RAB37: variants seen among roughly 807,000 people sequenced by gnomAD.
The protein encoded by RAB37 is ras-related protein Rab-37.
RAB37 carries 29 observed loss-of-function variants against 33.1 expected under a neutral mutation model. The ratio of observed to expected loss-of-function variants is 0.88; its 90% confidence interval spans 0.65 to 1.20. The LOEUF (loss-of-function observed/expected upper bound fraction) is 1.20, where lower values mean the gene tolerates loss of function less well. Ranked by LOEUF, RAB37 falls within the 50% of genes most tolerant of loss-of-function variation. RAB37 has a pLI of 0.00. For missense variants in RAB37, 299 were observed against 301.1 expected, an observed-to-expected ratio of 0.99 and a Z score of 0.05; for synonymous variants, 128 against 119.5, an observed-to-expected ratio of 1.07 and a Z score of -0.47.
At chr17:74,726,171 G>T (rs2034304343) in intron 1 of RAB37, among the ~76,000 whole-genome samples, 1 of 149,342 alleles carries the variant, frequency 6.7e-6, no homozygotes, top group South Asian at 2.2e-4. Flanking sequence ...GGAGGCAAAG[G>T]TTATTGTGAG....
intron 1 of RAB37, among the ~76,000 whole-genome samples, chr17:74,705,683 C>A (rs545805711): frequency 1.2e-4 from 19 of 152,108 alleles, no homozygotes; most frequent in Non-Finnish European, 2.5e-4. Context: ...AAGCCTTCAC[C>A]TCCCAGGCTT....
intron 1 of RAB37, among the ~76,000 whole-genome samples, chr17:74,722,733 T>C (rs941934559): frequency 6.6e-6 from 1 of 152,228 alleles, no homozygotes; most frequent in African/African-American, 2.4e-5. Context: ...GATATTACCA[T>C]ATGTCATATG....
rs1313591508 is a variant in RAB37, at chr17:74,744,841, C to G, written c.433-32C>G. Reference sequence around the variant, plus strand: ...ATGGGCCCGCTGGGGCGGAGGCCTCCTTCCCCAGAGTGACCCATTTGGGCT... The same window carrying G: ...ATGGGCCCGCTGGGGCGGAGGCCTCGTTCCCCAGAGTGACCCATTTGGGCT... On this transcript the variant is annotated intron_variant, in intron 6 of 8. Coordinates refer to ENST00000392613, the MANE Select transcript of RAB37 (RefSeq NM_001006638.3). This position sits in a 1 kb window ranked among gnomAD's most constrained non-coding sequence, Gnocchi z 4.2. 6.2e-7 allele frequency: 1 copy of G among 1,613,954 alleles called. No homozygotes were observed. The highest frequency in any genetic ancestry group is 2.2e-5 in the East Asian group (1 of 44,872).
Position 74,746,914 on chromosome 17 carries a change from A to G in RAB37, c.*1503A>G, listed in dbSNP as rs2034772616. On this transcript the variant is annotated 3_prime_UTR_variant, in exon 9 of 9. Coordinates refer to ENST00000392613, the MANE Select transcript of RAB37 (RefSeq NM_001006638.3). This position sits in a 1 kb window ranked among gnomAD's most constrained non-coding sequence, Gnocchi z 5.2. ...ATGAGTAAAACAAAGTCATGTGGGT[A>G]TGTCTGGGGTAGAGAGAGGGGTAGC... 3 of 152,176 alleles carry G rather than the reference A, an allele frequency of 2.0e-5. No individual in the cohort carries two copies. Among genetic ancestry groups the G allele is most frequent in the African/African-American group, 7.2e-5 (3 of 41,440 alleles). 9.4% of individuals were successfully genotyped at this position (152,176 alleles called of 1,614,324 possible). A position where few individuals can be genotyped will look rare whatever the true frequency, so the allele number is the denominator to read the frequency against.
intron 1 of RAB37, among the ~76,000 whole-genome samples, chr17:74,713,413 A>T (rs969875199): frequency 6.6e-6 from 1 of 151,894 alleles, no homozygotes; most frequent in Non-Finnish European, 1.5e-5. Context: ...TCTGAGAAGT[A>T]CCTCTCTGTA....
At chr17:74,677,500 G>A (rs927749463) in intron 1 of RAB37, 2 of 152,178 alleles carry the variant, frequency 1.3e-5, no homozygotes, top group African/African-American at 4.8e-5. Context: ...AGTGAAGAGA[G>A]TTTTGTTTTC....
chr17:74,698,550 C>T, intron 1 of RAB37: 1 of 1,543,774 alleles, frequency 6.5e-7, no homozygotes, highest in East Asian at 2.4e-5. Flanking sequence ...ATCCCACCCA[C>T]CCAGCAGCAG....
upstream of RAB37, among the ~76,000 whole-genome samples, chr17:74,732,671 A>AGGTC (rs2034403456): frequency 8.1e-5 from 4 of 49,566 alleles, no homozygotes; most frequent in South Asian, 5.9e-4. Flanking sequence ...ATGTGTGTGT[A>AGGTC]TGTGGCGTGA....
chr17:74,729,548 C>T lies in RAB37; in HGVS notation c.183+182C>T, dbSNP rs1051859039. 2.0e-5 allele frequency among the ~76,000 whole-genome samples: 3 copies of T among 151,988 alleles called. No individual in the cohort carries two copies. Among genetic ancestry groups the T allele is most frequent in the Admixed American group, 2.0e-4 (3 of 15,258 alleles). On this transcript the variant is annotated intron_variant, in intron 2 of 7. Coordinates refer to the RAB37 transcript ENST00000340415. This position sits in a 1 kb window ranked among gnomAD's most constrained non-coding sequence, Gnocchi z 4.2. The stretch of plus-strand genomic sequence containing the variant: ...GACCAGGAGGGAGGGTATACTGCCC[C>T]TGGGTAGTCCAGGAACTCCGCCCAC...
At chr17:74,677,047 G>A (rs2031849745) in intron 1 of RAB37, among the ~76,000 whole-genome samples, 1 of 152,122 alleles carries the variant, frequency 6.6e-6, no homozygotes, top group Non-Finnish European at 1.5e-5. Context: ...CTACTCAGGA[G>A]GCAGAGGCAG....
At chr17:74,725,384 C>T (rs552481366) in intron 1 of RAB37, among the ~76,000 whole-genome samples, 12 of 152,182 alleles carry the variant, frequency 7.9e-5, no homozygotes, top group Non-Finnish European at 1.3e-4. Context: ...CCCTTGGCCA[C>T]ACCACAGACC....
chr17:74,741,677 C>A (rs9905356), intron 2 of RAB37, among the ~76,000 whole-genome samples: 1,903 of 151,732 alleles, frequency 0.013, 48 homozygotes, highest in African/African-American at 0.043. Flanking sequence ...CTCCATCTTA[C>A]AAATCTGCAT....
chr17:74,698,691 AC>A, intron 1 of RAB37: 1 of 1,251,484 alleles, frequency 8.0e-7, no homozygotes, highest in Non-Finnish European at 1.1e-6. Flanking sequence ...AACAAGAGAC[AC>A]CAGGGCCTAC....
At chr17:74,712,958 G>T in intron 1 of RAB37, 5 of 1,306,226 alleles carry the variant, frequency 3.8e-6, no homozygotes, top group South Asian at 2.5e-5. Context: ...ACTCACTCTC[G>T]CCCTTGAACT....
chr17:74,698,282 G>T (rs1261537050), intron 1 of RAB37: 4 of 930,080 alleles, frequency 4.3e-6, no homozygotes, highest in Admixed American at 4.0e-5. Flanking sequence ...GATTGTGTGG[G>T]TAATCCCTTG....
Position 74,744,292 on chromosome 17 carries a change from A to G in RAB37, c.367-16A>G, listed in dbSNP as rs1598330187. On this transcript the variant is annotated splice_polypyrimidine_tract_variant and intron_variant, in intron 5 of 8. Transcript: ENST00000392613. This position sits in a 1 kb window ranked among gnomAD's most constrained non-coding sequence, Gnocchi z 4.2. ...AGGAGGAAGAGAATGCCAGTCTCGC[A>G]CGCCCTCTCCCACAGGCCTGGCTCA... 6.2e-7 allele frequency: 1 copy of G among 1,610,744 alleles called. No homozygotes were observed.
At chr17:74,719,878 C>G (rs1055591305) in intron 1 of RAB37, among the ~76,000 whole-genome samples, 2 of 152,126 alleles carry the variant, frequency 1.3e-5, no homozygotes, top group African/African-American at 4.8e-5. Context: ...AAGTAAAAGT[C>G]TTATCTCCAT....
At chr17:74,720,762 G>A (rs182023472) in intron 1 of RAB37, among the ~76,000 whole-genome samples, 214 of 152,252 alleles carry the variant, frequency 1.4e-3, no homozygotes, top group African/African-American at 4.7e-3. Context: ...CAGGGTGACA[G>A]CCTTTTACAC....
At chr17:74,680,961 T>A (rs9894304) in intron 1 of RAB37, among the ~76,000 whole-genome samples, 88,552 of 152,146 alleles carry the variant, frequency 0.58, 31,043 homozygotes, top group Middle Eastern at 0.79. Context: ...CCTGTTCACA[T>A]GCTCCCCTTG....
Sources: gnomAD v4.1 joint callset for allele counts (sites outside exome capture counted in the v4.1 genomes callset) on GRCh38, gnomAD v4.1.1 for gene constraint, Gnocchi (gnomAD v3.1) non-coding constraint, MANE v1.5 for transcripts, NCBI Gene and HGNC (gene_info 2026-07-23, HGNC 2026-07-21) for gene names.